COL4A6: variants seen among roughly 807,000 people sequenced by gnomAD.
The protein encoded by COL4A6 is collagen alpha-6(IV) chain.
COL4A6 carries 59 observed loss-of-function variants against 126.7 expected under a neutral mutation model. The ratio of observed to expected loss-of-function variants is 0.47; its 90% confidence interval spans 0.38 to 0.58. The LOEUF (loss-of-function observed/expected upper bound fraction) is 0.58, where lower values mean the gene tolerates loss of function less well. Ranked by LOEUF, COL4A6 falls within the 20% of genes least tolerant of loss-of-function variation. COL4A6 has a pLI of 0.00. For missense variants in COL4A6, 1,285 were observed against 1,337.3 expected (o/e 0.96, Z 0.61); for synonymous variants, 547 against 496.6 (o/e 1.10, Z -1.35).
intron 3 of COL4A6, among the ~76,000 whole-genome samples, chrX:108,290,213 G>C (rs1245176392): frequency 8.9e-6 from 1 of 112,218 alleles, no homozygotes; most frequent in Non-Finnish European, 1.9e-5. Flanking sequence ...TAAGTAGGAA[G>C]AAGGAAGTTT....
At position 108,206,578 on chromosome X, in the gene COL4A6, G is replaced by A; in HGVS notation, c.549C>T (p.Gly183=). The A allele has an allele frequency of 4.1e-6, 5 of 1,208,225 alleles. No homozygotes were observed. The highest frequency in any genetic ancestry group is 5.6e-6 in the Non-Finnish European group (5 of 893,078). The stretch of plus-strand genomic sequence containing the variant: ...CAGGAAATCCGGGTGCTCCTTGTGG[G>A]CCCTAGAGAGGCAAGTTTTTACCAA... The part of the protein sequence containing the change: ...PGLPGLDGIT[G]PQGAPGFPGA... Residue 183 remains glycine (G), a splice_region_variant and synonymous_variant, in exon 9 of 45, where the codon GGC becomes GGT. Transcript: ENST00000334504.
chrX:108,430,770 C>A (rs938458951), intron 2 of COL4A6, among the ~76,000 whole-genome samples: 1 of 111,900 alleles, frequency 8.9e-6, no homozygotes, highest in African/African-American at 3.2e-5. Context: ...AAAAAGATCA[C>A]AGCTGGTTGG....
intron 5 of COL4A6, among the ~76,000 whole-genome samples, chrX:108,217,119 C>A (rs1323866790): frequency 1.8e-5 from 2 of 112,021 alleles, no homozygotes; most frequent in African/African-American, 6.5e-5. Context: ...TTGCTGTGCC[C>A]TTTAGTGCAA....
At chrX:108,356,333 TAATAA>T (rs1361813721) in intron 2 of COL4A6, among the ~76,000 whole-genome samples, 6 of 109,732 alleles carry the variant, frequency 5.5e-5, no homozygotes, top group Non-Finnish European at 9.5e-5. Flanking sequence ...AGTATAATAA[TAATAA>T]AATAAAATAA....
At chrX:108,240,341 C>T (rs763637738) in intron 3 of COL4A6, among the ~76,000 whole-genome samples, 1 of 112,191 alleles carries the variant, frequency 8.9e-6, no homozygotes, top group Non-Finnish European at 1.9e-5. Flanking sequence ...TCATCTCATC[C>T]ATTAACGTTG....
intron 3 of COL4A6, among the ~76,000 whole-genome samples, chrX:108,253,584 C>G (rs1252997543): frequency 9.0e-6 from 1 of 111,673 alleles, no homozygotes; most frequent in African/African-American, 3.2e-5. Context: ...TCCATACAGC[C>G]CAGTTAGGTG....
intron 35 of COL4A6, 132 bp from the exon 36 acceptor site, chrX:108,170,148 C>G: frequency 3.7e-6 from 2 of 533,935 alleles, no homozygotes; most frequent in East Asian, 3.6e-5. Flanking sequence ...GAGGCATTTA[C>G]TTAATGCCCT....
chrX:108,415,299 CA>C (rs1292412014), intron 2 of COL4A6, among the ~76,000 whole-genome samples: 8 of 111,844 alleles, frequency 7.2e-5, no homozygotes, highest in Non-Finnish European at 1.1e-4. Flanking sequence ...GCTCTCCCTT[CA>C]ATCACCCCAA....
intron 3 of COL4A6, among the ~76,000 whole-genome samples, chrX:108,298,304 C>T (rs750840288): frequency 6.9e-4 from 78 of 112,953 alleles, no homozygotes; most frequent in African/African-American, 2.4e-3. Context: ...CTTCTCCTGT[C>T]GCTCAGGGCC....
intron 27 of COL4A6, 63 bp from the exon 28 acceptor site, chrX:108,177,074 C>A: frequency 9.6e-7 from 1 of 1,044,587 alleles, no homozygotes; most frequent in Admixed American, 2.5e-5. Flanking sequence ...AGATCTGGGC[C>A]ACTGCCTATA....
At chrX:108,436,853 A>G (rs1369711831) in intron 2 of COL4A6, among the ~76,000 whole-genome samples, 1 of 111,883 alleles carries the variant, frequency 8.9e-6, no homozygotes, top group Non-Finnish European at 1.9e-5. Context: ...CCATTTTTTC[A>G]TAAACACATT....
chrX:108,364,920 T>C (rs764310295), intron 2 of COL4A6, among the ~76,000 whole-genome samples: 1 of 111,226 alleles, frequency 9.0e-6, no homozygotes, highest in East Asian at 2.8e-4. Flanking sequence ...CAGCCTAATT[T>C]TGAGCCTTAT....
At chrX:108,355,470 T>C (rs192469555) in intron 2 of COL4A6, among the ~76,000 whole-genome samples, 3 of 112,608 alleles carry the variant, frequency 2.7e-5, no homozygotes, top group African/African-American at 9.7e-5. Flanking sequence ...CATTGCCACA[T>C]GCTATTTGGT....
Position 108,269,123 on chromosome X carries a change from A to G in COL4A6, c.144+41625T>C, listed in dbSNP as rs778869350. The G allele has an allele frequency of 2.1e-5, 7 of 338,774 alleles. No homozygotes were observed. In the Admixed American group the frequency reaches 2.1e-4, roughly 10 times the overall value. 27.9% of individuals were successfully genotyped at this position (338,774 alleles called of 1,213,427 possible). A position where few individuals can be genotyped will look rare whatever the true frequency, so the allele number is the denominator to read the frequency against. On this transcript the variant is annotated intron_variant, in intron 3 of 44. Coordinates refer to ENST00000334504, the MANE Select transcript of COL4A6 (RefSeq NM_033641.4). ...CCTCACTGAAATGGTAGAGCCGGCC[A>G]GCCATATCATTCAGTAGCTGCAAGT...
At chrX:108,380,501 G>T (rs2040539411) in intron 2 of COL4A6, among the ~76,000 whole-genome samples, 1 of 111,970 alleles carries the variant, frequency 8.9e-6, no homozygotes, top group Non-Finnish European at 1.9e-5. Flanking sequence ...TTTCCATAAG[G>T]CAGTGACATC....
intron 3 of COL4A6, among the ~76,000 whole-genome samples, chrX:108,241,550 AATAT>A (rs764751621): frequency 3.2e-4 from 31 of 96,781 alleles, no homozygotes; most frequent in South Asian, 4.6e-4. Context: ...TATAATAGTA[AATAT>A]ATATATATAT....
intron 3 of COL4A6, among the ~76,000 whole-genome samples, chrX:108,232,659 A>G (rs904436458): frequency 1.8e-5 from 2 of 111,951 alleles, no homozygotes; most frequent in African/African-American, 6.5e-5. Flanking sequence ...GAAGAGTTAG[A>G]TTCAATTCCC....
chrX:108,315,026 T>C (rs73636400), intron 2 of COL4A6, among the ~76,000 whole-genome samples: 7,531 of 111,741 alleles, frequency 0.067, 582 homozygotes, highest in African/African-American at 0.21. Context: ...ATAGCTGATG[T>C]TCACTTTGCT....
chrX:108,439,122 T>C (rs1413238403), upstream of COL4A6, among the ~76,000 whole-genome samples: 1 of 111,793 alleles, frequency 8.9e-6, no homozygotes, highest in Non-Finnish European at 1.9e-5. Context: ...ACTAAATTTA[T>C]TTAATTCCCT....
Sources: allele counts gnomAD v4.1 joint callset (sites outside exome capture counted in the v4.1 genomes callset), GRCh38; gene constraint gnomAD v4.1.1; transcripts MANE v1.5; gene names NCBI Gene and HGNC (gene_info 2026-07-23, HGNC 2026-07-21).